ARB2A: variants seen among roughly 807,000 people sequenced by gnomAD.
ARB2A encodes cotranscriptional regulator ARB2A.
chr5:93,952,054 A>C, the ARB2A span, among the ~76,000 whole-genome samples: 1 of 152,160 alleles, frequency 6.6e-6, no homozygotes, highest in Admixed American at 6.5e-5. Context: ...TAAAACTAAG[A>C]GCCCTGGATA....
At chr5:93,664,498 G>A in the ARB2A span, among the ~76,000 whole-genome samples, 3 of 151,744 alleles carry the variant, frequency 2.0e-5, no homozygotes, top group African/African-American at 4.8e-5. Context: ...AGGCATGATG[G>A]CGGGCACCTG....
the ARB2A span, chr5:93,964,602 C>G: frequency 3.3e-6 from 3 of 922,036 alleles, no homozygotes; most frequent in Non-Finnish European, 5.0e-6. Context: ...TAAATTGTTG[C>G]AAGTTATTGC....
chr5:93,763,222 A>G, the ARB2A span, among the ~76,000 whole-genome samples: 1 of 152,216 alleles, frequency 6.6e-6, no homozygotes, highest in African/African-American at 2.4e-5. Flanking sequence ...CAAATGGGCT[A>G]AATGCTCCAA....
At chr5:93,771,926 T>C in the ARB2A span, among the ~76,000 whole-genome samples, 1 of 152,178 alleles carries the variant, frequency 6.6e-6, no homozygotes, top group Admixed American at 6.5e-5. Flanking sequence ...GAGCTAGAAA[T>C]ACCATTTGAC....
At chr5:93,988,748 C>T in the ARB2A span, among the ~76,000 whole-genome samples, 2 of 152,104 alleles carry the variant, frequency 1.3e-5, no homozygotes, top group African/African-American at 4.8e-5. Context: ...GTCATACTGA[C>T]ATAAGGTCCT....
At chr5:93,939,496 T>C in the ARB2A span, among the ~76,000 whole-genome samples, 1 of 152,086 alleles carries the variant, frequency 6.6e-6, no homozygotes, top group Non-Finnish European at 1.5e-5. Flanking sequence ...TTGCTAAGCC[T>C]GAGTACCACT....
chr5:94,041,430 A>G, the ARB2A span, among the ~76,000 whole-genome samples: 17 of 152,150 alleles, frequency 1.1e-4, no homozygotes, highest in Non-Finnish European at 2.2e-4. Context: ...TTCCTGGCTT[A>G]GGGAATGGGT....
the ARB2A span, chr5:93,740,898 T>C: frequency 3.1e-6 from 5 of 1,613,972 alleles, no homozygotes; most frequent in South Asian, 5.5e-5. Context: ...CCAGGCTGTT[T>C]CCGATTCGTC....
chr5:93,796,197 A>C, the ARB2A span, among the ~76,000 whole-genome samples: 1 of 152,220 alleles, frequency 6.6e-6, no homozygotes, highest in Non-Finnish European at 1.5e-5. Context: ...TGTGCGATAT[A>C]AATTTGGGGA....
At chr5:94,079,256 G>T in the ARB2A span, among the ~76,000 whole-genome samples, 1 of 152,072 alleles carries the variant, frequency 6.6e-6, no homozygotes, top group Non-Finnish European at 1.5e-5. Context: ...CTTGAACAAA[G>T]ATCACATATG....
At chr5:93,965,842 G>C in the ARB2A span, among the ~76,000 whole-genome samples, 1 of 151,862 alleles carries the variant, frequency 6.6e-6, no homozygotes, top group Non-Finnish European at 1.5e-5. Flanking sequence ...TTTCTTCAAG[G>C]AGTCCAAAAT....
At chr5:94,086,542 T>A in the ARB2A span, among the ~76,000 whole-genome samples, 2 of 152,124 alleles carry the variant, frequency 1.3e-5, no homozygotes, top group Admixed American at 6.6e-5. Flanking sequence ...AACGACTAGG[T>A]GACTATGTGT....
the ARB2A span, among the ~76,000 whole-genome samples, chr5:93,944,468 CA>C: frequency 1.5e-4 from 23 of 152,096 alleles, no homozygotes; most frequent in Admixed American, 4.6e-4. Context: ...CCTATACTCT[CA>C]ACTACCCAGA....
chr5:94,062,799 A>G, the ARB2A span, among the ~76,000 whole-genome samples: 34 of 152,324 alleles, frequency 2.2e-4, no homozygotes, highest in South Asian at 6.0e-3. Context: ...CCCCACTGAC[A>G]TCACCTGCCT....
chr5:93,641,816 A>G, the ARB2A span, among the ~76,000 whole-genome samples: 2 of 152,200 alleles, frequency 1.3e-5, no homozygotes, highest in African/African-American at 4.8e-5. Flanking sequence ...TTATTTATTC[A>G]TACCCTCTAT....
chr5:93,816,155 C>G, the ARB2A span, among the ~76,000 whole-genome samples: 1 of 151,974 alleles, frequency 6.6e-6, no homozygotes. Context: ...TCTTTTTGTC[C>G]CCTAGAAGTC....
the ARB2A span, among the ~76,000 whole-genome samples, chr5:93,833,994 C>T: frequency 6.6e-6 from 1 of 152,136 alleles, no homozygotes; most frequent in African/African-American, 2.4e-5. Context: ...TACTTCTCTC[C>T]CACCTTTGGT....
chr5:94,026,042 G>A, the ARB2A span, among the ~76,000 whole-genome samples: 98 of 152,202 alleles, frequency 6.4e-4, no homozygotes, highest in Non-Finnish European at 1.2e-3. Flanking sequence ...TTGCAAGCTA[G>A]TCCTGCAGTG....
At chr5:93,817,087 AACACACACACAC>A in the ARB2A span, among the ~76,000 whole-genome samples, 1 of 144,274 alleles carries the variant, frequency 6.9e-6, no homozygotes, top group Non-Finnish European at 1.5e-5. Flanking sequence ...AATACACACA[AACACACACACAC>A]ACACACACAC....
Sources: allele counts gnomAD v4.1 joint callset (sites outside exome capture counted in the v4.1 genomes callset), GRCh38; gene constraint gnomAD v4.1.1; transcripts MANE v1.5; gene names NCBI Gene and HGNC (gene_info 2026-07-23, HGNC 2026-07-21).